The following SNX2 variants were observed in gnomAD, a reference collection of about 807,000 sequenced individuals.
SNX2 encodes the protein sorting nexin 2.
In SNX2, 25 loss-of-function variants were observed where a neutral mutation model predicts 69.9. The observed-to-expected ratio is 0.36, with a 90% CI of 0.26 to 0.50. The LOEUF (loss-of-function observed/expected upper bound fraction) is 0.50, where lower values mean the gene tolerates loss of function less well. SNX2 is among the 20% of genes least tolerant of loss of function. The probability of loss-of-function intolerance (pLI) is 0.97; values close to 1 mark genes in which losing one functional copy is unlikely to be tolerated. For synonymous variants in SNX2, 229 were observed against 200.4 expected (o/e 1.14, Z -1.20); for missense variants, 551 against 613.3 (o/e 0.90, Z 1.07).
intron 11 of SNX2, among the ~76,000 whole-genome samples, chr5:122,820,009 T>C (rs1234234798): frequency 2.0e-5 from 3 of 152,198 alleles, no homozygotes; most frequent in African/African-American, 2.4e-5. Context: ...CCTAATGCTG[T>C]TGGTGATTAA....
At chr5:122,829,205 GTTT>G in intron 14 of SNX2, among the ~76,000 whole-genome samples, 1 of 151,650 alleles carries the variant, frequency 6.6e-6, no homozygotes, top group Non-Finnish European at 1.5e-5. Flanking sequence ...GTTTTTGTTT[GTTT>G]GTTTGTTTGT....
chr5:122,805,569 T>C (rs1753624681), intron 6 of SNX2, among the ~76,000 whole-genome samples: 1 of 152,142 alleles, frequency 6.6e-6, no homozygotes, highest in Admixed American at 6.5e-5. Flanking sequence ...ATTCAAAAAT[T>C]GAGTTTAGTG....
intron 1 of SNX2, among the ~76,000 whole-genome samples, chr5:122,784,784 T>A (rs1753045942): frequency 6.6e-6 from 1 of 152,206 alleles, no homozygotes; most frequent in Admixed American, 6.5e-5. Context: ...TATTTCATAT[T>A]CTTGAAGAGG....
intron 11 of SNX2, among the ~76,000 whole-genome samples, chr5:122,825,680 T>C (rs559885811): frequency 6.6e-6 from 1 of 152,184 alleles, no homozygotes; most frequent in Admixed American, 6.5e-5. Flanking sequence ...TCTAATATTA[T>C]TTAGCGGGAA....
chr5:122,829,458 G>T, intron 14 of SNX2, 140 bp from the exon 15 acceptor site: 1 of 594,134 alleles, frequency 1.7e-6, no homozygotes, highest in East Asian at 3.1e-5. Flanking sequence ...ACCCATCTCA[G>T]CCTCCCAAAG....
rs1753564025 is a variant in SNX2, at chr5:122,803,631, A to C, written c.643+18A>C. The stretch of plus-strand genomic sequence containing the variant: ...TATAGTAGGTAAGCACAAATTTTTC[A>C]AAAATTAATTTTTGTTACTGTTACT... On this transcript the variant is annotated intron_variant, in intron 6 of 14. Transcript: ENST00000379516. The C allele has an allele frequency of 1.3e-6, 2 of 1,582,150 alleles. No homozygotes were observed. The highest frequency in any genetic ancestry group is 1.7e-6 in the Non-Finnish European group (2 of 1,166,664).
At position 122,827,805 on chromosome 5, in the gene SNX2, G is replaced by A. The variant is rs919938139; in HGVS notation, c.1509+159G>A. ...TAAAGGATAAAAGGGTAAACTAATC[G>A]GAAACTATCTCACGTGTTTTTTTTT... On this transcript the variant is annotated intron_variant, in intron 14 of 14. Coordinates refer to ENST00000379516, the MANE Select transcript of SNX2 (RefSeq NM_003100.4). 21 of 584,036 alleles carry A rather than the reference G, an allele frequency of 3.6e-5. No homozygotes were observed. In the African/African-American group the frequency reaches 3.9e-4, roughly 11 times the overall value. The allele number at this position is 584,036 out of a possible 1,614,324, so 36.2% of individuals were successfully genotyped here. A position where few individuals can be genotyped will look rare whatever the true frequency, so the allele number is the denominator to read the frequency against.
At chr5:122,776,617 A>G (rs137889428) in intron 1 of SNX2, among the ~76,000 whole-genome samples, 125 of 152,286 alleles carry the variant, frequency 8.2e-4, no homozygotes, top group African/African-American at 2.8e-3. Context: ...AGCCCTTTCT[A>G]CTTACTATAC....
chr5:122,822,551 T>C (rs1239931909), intron 11 of SNX2, among the ~76,000 whole-genome samples: 1 of 152,220 alleles, frequency 6.6e-6, no homozygotes, highest in African/African-American at 2.4e-5. Flanking sequence ...TGGGGATTAA[T>C]ATAGAGCCAT....
At chr5:122,813,627 A>G (rs1753830164) in intron 7 of SNX2, among the ~76,000 whole-genome samples, 1 of 152,104 alleles carries the variant, frequency 6.6e-6, no homozygotes, top group African/African-American at 2.4e-5. Flanking sequence ...ATATATTTCA[A>G]ACTTTCTTGA....
At chr5:122,777,680 A>T (rs982474090) in intron 1 of SNX2, among the ~76,000 whole-genome samples, 2 of 152,226 alleles carry the variant, frequency 1.3e-5, no homozygotes, top group African/African-American at 2.4e-5. Context: ...CTGTACACTT[A>T]TGTGTATATT....
intron 1 of SNX2, among the ~76,000 whole-genome samples, chr5:122,790,859 C>T (rs1489125635): frequency 6.6e-6 from 1 of 152,140 alleles, no homozygotes; most frequent in Non-Finnish European, 1.5e-5. Context: ...ACTTCCTTTT[C>T]TTGTCTTTTT....
intron 7 of SNX2, 62 bp downstream of exon 7, chr5:122,808,417 C>A: frequency 8.5e-7 from 1 of 1,173,490 alleles, no homozygotes; most frequent in South Asian, 1.5e-5. Context: ...AATGTAATTC[C>A]ATTATATGGC....
At chr5:122,780,850 G>A (rs1378964340) in intron 1 of SNX2, among the ~76,000 whole-genome samples, 1 of 152,264 alleles carries the variant, frequency 6.6e-6, no homozygotes, top group African/African-American at 2.4e-5. Context: ...TTACAGGCCT[G>A]AGCCACCACG....
chr5:122,811,185 C>T (rs1753768073), intron 7 of SNX2, among the ~76,000 whole-genome samples: 1 of 152,134 alleles, frequency 6.6e-6, no homozygotes, highest in South Asian at 2.1e-4. Flanking sequence ...ATCCAGATGA[C>T]TACCTTGAAT....
intron 3 of SNX2, among the ~76,000 whole-genome samples, chr5:122,801,652 C>CATGTGTGTGTGTGTGTGT (rs113836294): frequency 6.2e-4 from 82 of 132,118 alleles, no homozygotes; most frequent in African/African-American, 2.3e-3. Context: ...TGGTCTTTTT[C>CATGTGTGTGTGTGTGTGT]GTGTGTGTGT....
chr5:122,834,282 A>G lies in SNX2; in HGVS notation c.*4634A>G, dbSNP rs541273817. On this transcript the variant is annotated 3_prime_UTR_variant, in exon 15 of 15. Coordinates refer to ENST00000379516, the MANE Select transcript of SNX2 (RefSeq NM_003100.4). Reference sequence around the variant, plus strand: ...CTAGTTTTTTAATGCACATGAAGTAATTTAAAATGCTCTTCTTCCTTTCTT... The same window carrying G: ...CTAGTTTTTTAATGCACATGAAGTAGTTTAAAATGCTCTTCTTCCTTTCTT... 12 of 152,322 alleles carry G rather than the reference A, an allele frequency of 7.9e-5. No individual in the cohort carries two copies. The East Asian group carries it at 2.3e-3, about 29-fold the overall frequency. The allele number at this position is 152,322 out of a possible 1,614,324, so 9.4% of individuals were successfully genotyped here.
At chr5:122,801,652 CGTGTGTGTGTGT>C (rs61189602) in intron 3 of SNX2, among the ~76,000 whole-genome samples, 3 of 132,054 alleles carry the variant, frequency 2.3e-5, no homozygotes, top group South Asian at 2.4e-4. Flanking sequence ...TGGTCTTTTT[CGTGTGTGTGTGT>C]GTGTGTGTGT....
At chr5:122,806,094 ATGTGTG>A (rs147188322) in intron 6 of SNX2, among the ~76,000 whole-genome samples, 1 of 124,700 alleles carries the variant, frequency 8.0e-6, no homozygotes, top group Non-Finnish European at 1.7e-5. Flanking sequence ...TAAAACTTTT[ATGTGTG>A]TGTGTGTGTG....
Sources: allele counts gnomAD v4.1 joint callset (sites outside exome capture counted in the v4.1 genomes callset), GRCh38; gene constraint gnomAD v4.1.1; transcripts MANE v1.5; gene names NCBI Gene and HGNC (gene_info 2026-07-23, HGNC 2026-07-21).